DIS3L: variants seen among roughly 807,000 people sequenced by gnomAD.
DIS3L encodes the protein DIS3 like exosome 3'-5' exoribonuclease, also known as DIS3-like exonuclease 1.
In DIS3L, 100 loss-of-function variants were observed where a neutral mutation model predicts 120.3. The ratio of observed to expected loss-of-function variants is 0.83; its 90% CI spans 0.71 to 0.98. The LOEUF (loss-of-function observed/expected upper bound fraction) is 0.98, where lower values mean the gene tolerates loss of function less well. Ranked by LOEUF, DIS3L falls within the 50% of genes least tolerant of loss-of-function variation. The pLI is 0.00. For missense variants in DIS3L, 1,196 were observed against 1,314.2 expected (o/e 0.91, Z 1.39); for synonymous variants, 426 against 470.6 (o/e 0.91, Z 1.23).
At chr15:66,298,204 A>AG (rs2092610065) in intron 2 of DIS3L, among the ~76,000 whole-genome samples, 1 of 151,560 alleles carries the variant, frequency 6.6e-6, no homozygotes, top group African/African-American at 2.4e-5. Context: ...AAAAAAAAAA[A>AG]AAGATTGAAA....
At chr15:66,317,007 T>C (rs750814728) in intron 7 of DIS3L, among the ~76,000 whole-genome samples, 2 of 152,142 alleles carry the variant, frequency 1.3e-5, no homozygotes, top group Non-Finnish European at 2.9e-5. Flanking sequence ...AGTGACAACT[T>C]GTTCTTTCCA....
chr15:66,319,889 T>TG (rs939380766), intron 8 of DIS3L, among the ~76,000 whole-genome samples: 3 of 143,564 alleles, frequency 2.1e-5, no homozygotes, highest in African/African-American at 7.8e-5. Context: ...CCGAGGCAGG[T>TG]GGATCACTTG....
intron 2 of DIS3L, among the ~76,000 whole-genome samples, chr15:66,302,625 G>T (rs181227199): frequency 6.6e-6 from 1 of 152,030 alleles, no homozygotes; most frequent in Non-Finnish European, 1.5e-5. Flanking sequence ...CGCACATTCC[G>T]CCCTGCTCTC....
intron 10 of DIS3L, among the ~76,000 whole-genome samples, 153 bp downstream of exon 10, chr15:66,323,087 T>G (rs2092902585): frequency 6.6e-6 from 1 of 152,210 alleles, no homozygotes; most frequent in African/African-American, 2.4e-5. Flanking sequence ...CCATTTTCCT[T>G]TAGAAAAACA....
At chr15:66,297,715 G>A (rs920071411) in intron 2 of DIS3L, among the ~76,000 whole-genome samples, 2 of 152,254 alleles carry the variant, frequency 1.3e-5, no homozygotes, top group African/African-American at 4.8e-5. Flanking sequence ...TATCCAATAT[G>A]CTTTTAGGAA....
chr15:66,305,929 C>A (rs2092698580), intron 2 of DIS3L, among the ~76,000 whole-genome samples: 1 of 152,226 alleles, frequency 6.6e-6, no homozygotes. Context: ...TTCTTAGAAA[C>A]TGGCCCATAG....
intron 3 of DIS3L, 144 bp downstream of exon 3, chr15:66,307,096 A>G (rs1056538360): frequency 2.7e-6 from 3 of 1,099,682 alleles, no homozygotes; most frequent in Middle Eastern, 3.1e-4. Context: ...AATGCTTACC[A>G]TGTCAATATT....
chr15:66,309,094 A>AAAAAAAAAAAAAATATATATATATATAT lies in DIS3L; in HGVS notation c.558+251_558+252insAAAAAAAAAAAATATATATATATATATA. Among the ~76,000 whole-genome samples the AAAAAAAAAAAAAATATATATATATATAT allele has an allele frequency of 4.6e-4, 7 of 15,314 alleles. 2 individuals carry two copies. The highest frequency in any genetic ancestry group is 0.01 in the East Asian group (2 of 196). 10.0% of individuals were successfully genotyped at this position (15,314 alleles called of 152,430 possible). A position where few individuals can be genotyped will look rare whatever the true frequency, so the allele number is the denominator to read the frequency against. Reference sequence around the variant, plus strand: ...CTTGTCTCTACAGAAAAAAAAAAAAAATATATATATCTCCAAGCATGGTGG... The same window carrying AAAAAAAAAAAAAATATATATATATATAT: ...CTTGTCTCTACAGAAAAAAAAAAAAAAAAAAAAAAAAAATATATATATATATATATATATATATCTCCAAGCATGGTGG... On this transcript the variant is annotated intron_variant, in intron 4 of 16. Transcript: ENST00000319212.
rs114188387 is a variant in DIS3L, at chr15:66,322,965, G to A, written c.1574+31G>A. ...GCTATTTGAAATCAGCTCTATGGTT[G>A]TGTGTATGTGACTGGATATTTTGTG... On this transcript the variant is annotated intron_variant, in intron 10 of 16. Transcript: ENST00000319212. The A allele has an allele frequency of 4.0e-4, 649 of 1,610,406 alleles. 2 individuals are homozygous for A. The African/African-American group carries it at 8.0e-3, about 20-fold the overall frequency.
At chr15:66,300,492 C>G (rs922038594) in intron 2 of DIS3L, among the ~76,000 whole-genome samples, 5 of 152,154 alleles carry the variant, frequency 3.3e-5, no homozygotes, top group African/African-American at 7.2e-5. Context: ...GGTTGCATAA[C>G]TGTGACTATA....
At position 66,311,840 on chromosome 15, in the gene DIS3L, C is replaced by T. The variant is rs1379172915; in HGVS notation, c.675C>T (p.Tyr225=). 6 of 1,614,040 alleles carry T rather than the reference C, an allele frequency of 3.7e-6. No individual in the cohort carries two copies. Among genetic ancestry groups the T allele is most frequent in the Admixed American group, 1.7e-5 (1 of 59,986 alleles). ...GTCAGGAGAGCCATGGGAAGGAGTACCCAGAACATCTTCCCCTGGAAGTGT... is the reference window on the plus strand; with the variant it reads ...GTCAGGAGAGCCATGGGAAGGAGTATCCAGAACATCTTCCCCTGGAAGTGT... ...NESQESHGKE[Y]PEHLPLEVLE... is the part of the protein sequence containing the mutation. Residue 225 remains tyrosine, a synonymous_variant, in exon 5 of 17, where the codon TAC becomes TAT. Transcript: ENST00000319212.
intron 9 of DIS3L, among the ~76,000 whole-genome samples, chr15:66,322,039 A>G (rs1351582909): frequency 6.6e-6 from 1 of 152,202 alleles, no homozygotes; most frequent in Non-Finnish European, 1.5e-5. Context: ...AATATTTTAC[A>G]TCATTAAATT....
chr15:66,329,117 T>C lies in DIS3L; in HGVS notation c.2349T>C (p.His783=). 6.2e-7 allele frequency: 1 copy of C among 1,611,258 alleles called. No homozygotes were observed. The highest frequency in any genetic ancestry group is 2.2e-5 in the East Asian group (1 of 44,872). Reference sequence around the variant, plus strand: ...GATCCTGTGCGGAGGAGGAGTTCCATCATTACGGTGAATCATACCATATTC... The same window carrying C: ...GATCCTGTGCGGAGGAGGAGTTCCACCATTACGGTGAATCATACCATATTC... ...STGSCAEEEF[H]HYGLALDKYT... Residue 783 remains histidine, a synonymous_variant, in exon 13 of 17, where the codon CAT becomes CAC. Coordinates refer to ENST00000319212, the MANE Select transcript of DIS3L (RefSeq NM_001143688.3).
intron 14 of DIS3L, 117 bp from the exon 15 acceptor site, chr15:66,331,758 A>G: frequency 8.4e-7 from 1 of 1,189,068 alleles, no homozygotes; most frequent in South Asian, 2.6e-5. Context: ...TTCATAGTAG[A>G]GAACAATTTT....
At chr15:66,326,397 G>A in intron 12 of DIS3L, 33 bp downstream of exon 12, 1 of 1,592,198 alleles carries the variant, frequency 6.3e-7, no homozygotes. Flanking sequence ...GAGGAATGGA[G>A]TGGCATGCTG....
rs2092564592 is a variant in DIS3L, at chr15:66,294,551, A to T, written c.140-437A>T. On this transcript the variant is annotated intron_variant, in intron 1 of 16. Transcript: ENST00000319212. ...TTGCACGGAGCATTTTCTCTGTTCA[A>T]TCTTTCTGGCCCTTGGAGGCTGCTG... is the stretch of plus-strand genomic sequence containing the variant. 6.1e-6 allele frequency: 6 copies of T among 990,210 alleles called. No individual in the cohort carries two copies. In the South Asian group the frequency reaches 1.4e-4, roughly 23 times the overall value. The allele number at this position is 990,210 out of a possible 1,614,324, so 61.3% of individuals were successfully genotyped here.
intron 2 of DIS3L, among the ~76,000 whole-genome samples, chr15:66,305,672 G>A (rs780150370): frequency 1.3e-5 from 2 of 151,824 alleles, no homozygotes; most frequent in Non-Finnish European, 2.9e-5. Context: ...CTACAGGCAC[G>A]TACCACCATG....
In DIS3L at chr15:66,304,342, A is replaced by G. The variant is rs372571540; in HGVS notation, c.294-2482A>G. ...GTGGGGTGTGCCTGTAGTCCCAGCT[A>G]CTCAGGAGGCTGAGGTGGGAGGATC... On this transcript the variant is annotated intron_variant, in intron 2 of 16. Transcript: ENST00000319212. 2.6e-5 allele frequency among the ~76,000 whole-genome samples: 4 copies of G among 151,580 alleles called. No individual in the cohort carries two copies. In the South Asian group the frequency reaches 8.3e-4, roughly 32 times the overall value.
intron 3 of DIS3L, 83 bp downstream of exon 3, chr15:66,307,035 T>C (rs1173407273): frequency 7.0e-6 from 11 of 1,560,956 alleles, no homozygotes; most frequent in African/African-American, 1.4e-5. Context: ...TTGATCTAAA[T>C]AGTCTGCTAG....
Sources: allele counts gnomAD v4.1 joint callset (sites outside exome capture counted in the v4.1 genomes callset), GRCh38; gene constraint gnomAD v4.1.1; transcripts MANE v1.5; gene names NCBI Gene and HGNC (gene_info 2026-07-23, HGNC 2026-07-21).